NOTCH3: variants seen among roughly 807,000 people sequenced by gnomAD.
The protein encoded by NOTCH3 is neurogenic locus notch homolog protein 3.
A neutral mutation model predicts 213.3 loss-of-function variants in NOTCH3; 86 were observed. The ratio of observed to expected loss-of-function variants is 0.40; its 90% CI spans 0.34 to 0.48. The LOEUF is 0.48. NOTCH3 is among the 20% of genes least tolerant of loss of function. NOTCH3 has a pLI of 0.57. For synonymous variants in NOTCH3, 1,354 were observed against 1,355.9 expected, an observed-to-expected ratio of 1.00 and a Z score of 0.03; for missense variants, 2,783 against 3,272.6, an observed-to-expected ratio of 0.85 and a Z score of 3.65.
At chr19:15,186,636 C>A (rs2046884010) in intron 12 of NOTCH3, among the ~76,000 whole-genome samples, 1 of 152,174 alleles carries the variant, frequency 6.6e-6, no homozygotes, top group African/African-American at 2.4e-5. Flanking sequence ...AACTCCTGAC[C>A]TCAAGTGATC....
chr19:15,188,289 T>C lies in NOTCH3; in HGVS notation c.1438A>G (p.Asn480Asp). The change falls in exon 9 of 33, where the codon AAC (asparagine) becomes GAC (aspartate). Residue 480 changes from asparagine (N) to aspartate (D), a missense_variant. Asn to Asp is a conservative substitution (Grantham distance 23, BLOSUM62 1). Transcript: ENST00000263388. ...ACTCGGTCCTTGCAGACCCCACCGT[T>C]GACACAGGGGCTACTCTGACACTCG... The part of the protein sequence containing the change: ...IDECQSSPCV[N>D]GGVCKDRVNG... 6.2e-7 allele frequency: 1 copy of C among 1,608,094 alleles called. No individual in the cohort carries two copies. The highest frequency in any genetic ancestry group is 8.5e-7 in the Non-Finnish European group (1 of 1,177,218).
At chr19:15,164,921 C>T (rs1469854508) in intron 31 of NOTCH3, among the ~76,000 whole-genome samples, 3 of 151,986 alleles carry the variant, frequency 2.0e-5, no homozygotes, top group Admixed American at 6.6e-5. Flanking sequence ...GCTAGGGCCA[C>T]AGGTATGCAC....
chr19:15,181,484 T>TC (rs2145423631), intron 17 of NOTCH3, 92 bp downstream of exon 17: 2 of 1,045,028 alleles, frequency 1.9e-6, no homozygotes, highest in East Asian at 5.2e-5. Context: ...AGCTGAGGAC[T>TC]CCCCCAAGTC....
In NOTCH3 at chr19:15,174,164, AGGCGGAAG is replaced by A. The variant is rs2046766969; in HGVS notation, c.4632_4639del (p.Phe1545GlyfsTer15). On this transcript the variant is annotated frameshift_variant, in exon 25 of 33. Transcript: ENST00000263388. LOFTEE classifies it high-confidence loss of function. ...GACCATGGCCTGGCCGTGCGCGTCC[AGGCGGAAG>A]CGCAGCGAGGTGCGCAGGATGGCGC... The A allele has an allele frequency of 6.2e-7, 1 of 1,609,566 alleles. No individual in the cohort carries two copies. Among genetic ancestry groups the A allele is most frequent in the Non-Finnish European group, 8.5e-7 (1 of 1,179,368 alleles).
chr19:15,186,911 G>C lies in NOTCH3; in HGVS notation c.1918C>G (p.Arg640Gly). Residue 640 changes from arginine (R) to glycine (G), a missense_variant, in exon 12 of 33, where the codon CGC becomes GGC. Arg to Gly is a moderately radical substitution (Grantham distance 125). This residue lies in a region of NOTCH3 where 708 missense variants were observed against 906.6 expected (regional missense o/e 0.78). Transcript: ENST00000263388. ...TFGVCRDGIN[R>G]YDCVCQPGFT... Reference sequence around the variant, plus strand: ...CCAGGTTGGCAGACACAGTCGTAGCGGTTGATGCCATCACGGCAGACTCCA... The same window carrying C: ...CCAGGTTGGCAGACACAGTCGTAGCCGTTGATGCCATCACGGCAGACTCCA... 1 of 1,614,198 alleles carries C rather than the reference G, an allele frequency of 6.2e-7. No individual in the cohort carries two copies. The highest frequency in any genetic ancestry group is 1.1e-5 in the South Asian group (1 of 91,086).
rs139941570 is a variant in NOTCH3, at chr19:15,160,757, G to T, written c.6871C>A (p.Pro2291Thr). The change falls in exon 33 of 33, where the codon CCA (proline) becomes ACA (threonine). Residue 2291 changes from proline to threonine, a missense_variant. Physicochemically the swap from Pro to Thr is conservative, Grantham distance 38. Coordinates refer to ENST00000263388, the MANE Select transcript of NOTCH3 (RefSeq NM_000435.3). ...ATTTGALPAQ[P>T]LPLSVPSSLA... ...GAGCTGGGAACAGACAAGGGAAGTGGCTGGGCAGGCAGTGCCCCAGTGGTG... is the reference window on the plus strand; with the variant it reads ...GAGCTGGGAACAGACAAGGGAAGTGTCTGGGCAGGCAGTGCCCCAGTGGTG... 4 of 1,614,072 alleles carry T rather than the reference G, an allele frequency of 2.5e-6. No homozygotes were observed. The highest frequency in any genetic ancestry group is 3.4e-6 in the Non-Finnish European group (4 of 1,180,022).
chr19:15,161,307 G>T lies in NOTCH3; in HGVS notation c.6321C>A (p.Ser2107=). 6.5e-7 allele frequency: 1 copy of T among 1,530,864 alleles called. No homozygotes were observed. 94.8% of individuals were successfully genotyped at this position (1,530,864 alleles called of 1,614,324 possible). The change falls in exon 33 of 33, where the codon TCC becomes TCA. Residue 2107 remains serine, a synonymous_variant. Transcript: ENST00000263388. Reference sequence around the variant, plus strand: ...CAGGGGGCCCACCGAAAGGCCGCGGGGAGTCCAGCGAGTCCACGGGCGACA... The same window carrying T: ...CAGGGGGCCCACCGAAAGGCCGCGGTGAGTCCAGCGAGTCCACGGGCGACA... ...VTLSPVDSLD[S]PRPFGGPPAS...
At chr19:15,179,308 A>G (rs1568354979) in intron 21 of NOTCH3, 26 bp from the exon 22 acceptor site, 2 of 1,611,162 alleles carry the variant, frequency 1.2e-6, no homozygotes, top group Non-Finnish European at 8.5e-7. Flanking sequence ...AGGGGTGGTC[A>G]AGAGGGAATG....
rs1321970859 is a variant in NOTCH3, at chr19:15,189,366, C to T, written c.1099G>A (p.Asp367Asn). 3 of 1,614,030 alleles carry T rather than the reference C, an allele frequency of 1.9e-6. No homozygotes were observed. In the Admixed American group the frequency reaches 5.0e-5, roughly 27 times the overall value. The change falls in exon 7 of 33, where the codon GAC becomes AAC. Residue 367 changes from aspartate (D) to asparagine (N), a missense_variant. Physicochemically the swap from Asp to Asn is conservative, Grantham distance 23. Coordinates refer to ENST00000263388, the MANE Select transcript of NOTCH3 (RefSeq NM_000435.3). ...GCCCGGCCGTTCACCGGATTTGTGT[C>T]ACAGATAGCATCCTCGTGGCAGGGG... ...SNPCHEDAICDTNPVNGRAIC... is the reference protein window; with the variant it reads ...SNPCHEDAICNTNPVNGRAIC...
At chr19:15,200,356 C>A (rs1010015771) in intron 1 of NOTCH3, among the ~76,000 whole-genome samples, 4 of 151,614 alleles carry the variant, frequency 2.6e-5, no homozygotes, top group Non-Finnish European at 5.9e-5. Flanking sequence ...CCTGGCCCAG[C>A]CCGCCCGGGG....
chr19:15,160,873 G>T lies in NOTCH3; in HGVS notation c.6755C>A (p.Pro2252His), dbSNP rs201073642. The change falls in exon 33 of 33, where the codon CCT becomes CAT. Residue 2252 changes from proline (P) to histidine (H), a missense_variant. Physicochemically the swap from Pro to His is moderately conservative, Grantham distance 77 (BLOSUM62 -2). Coordinates refer to ENST00000263388, the MANE Select transcript of NOTCH3 (RefSeq NM_000435.3). ...AGGTGAGGGGCTGGCCCAGTGCTCA[G>T]GGGATTCGGGGGATGGGGTCAGGTA... is the stretch of plus-strand genomic sequence containing the variant. ...HPYLTPSPES[P>H]EHWASPSPPS... 1.2e-6 allele frequency: 2 copies of T among 1,613,658 alleles called. No individual in the cohort carries two copies. Among genetic ancestry groups the T allele is most frequent in the East Asian group, 4.5e-5 (2 of 44,858 alleles).
intron 25 of NOTCH3, among the ~76,000 whole-genome samples, chr19:15,173,731 AAAAAAAAAAAG>A (rs1310558300): frequency 1.1e-3 from 9 of 8,384 alleles, no homozygotes; most frequent in African/African-American, 4.7e-3. Context: ...TCTCAAAAAA[AAAAAAAAAAAG>A]AAAAGAAGAA....
chr19:15,187,960 G>C lies in NOTCH3; in HGVS notation c.1527C>G (p.Asp509Glu). ...FSGSTCQLDV[D>E]ECASTPCRNG... ...TCCTGCAGGGCGTGCTGGCGCATTCGTCCACGTCCAGCTGACACGTGGAGC... is the reference window on the plus strand; with the variant it reads ...TCCTGCAGGGCGTGCTGGCGCATTCCTCCACGTCCAGCTGACACGTGGAGC... Residue 509 changes from aspartate to glutamate, a missense_variant, in exon 10 of 33, where the codon GAC becomes GAG. Asp to Glu is a conservative substitution (Grantham distance 45, BLOSUM62 2). Around this residue, in one of 6 missense-constraint regions of NOTCH3, gnomAD observed 708 missense variants for 906.6 expected, o/e 0.78. Transcript: ENST00000263388. The C allele has an allele frequency of 2.6e-6, 4 of 1,550,828 alleles. No individual in the cohort carries two copies. The South Asian group carries it at 4.8e-5, about 18-fold the overall frequency.
At position 15,193,806 on chromosome 19, in the gene NOTCH3, A is replaced by C. The variant is rs962458527; in HGVS notation, c.198-1287T>G. On this transcript the variant is annotated intron_variant, in intron 2 of 32. Transcript: ENST00000263388. Reference sequence around the variant, plus strand: ...AAAAAACAAAAAAAACAAACAGGCCAGGCGCAGTGGCTCATGCCTGTAATC... The same window carrying C: ...AAAAAACAAAAAAAACAAACAGGCCCGGCGCAGTGGCTCATGCCTGTAATC... 6.5e-5 allele frequency among the ~76,000 whole-genome samples: 9 copies of C among 138,908 alleles called. No individual in the cohort carries two copies. In the South Asian group the frequency reaches 2.1e-3, roughly 33 times the overall value. 91.1% of individuals were successfully genotyped at this position (138,908 alleles called of 152,430 possible).
chr19:15,163,257 A>G (rs1407128849), intron 31 of NOTCH3, among the ~76,000 whole-genome samples: 1 of 152,194 alleles, frequency 6.6e-6, no homozygotes, highest in Non-Finnish European at 1.5e-5. Context: ...AGGACCATTC[A>G]ATGGGGAAAG....
rs1181527022 is a variant in NOTCH3, at chr19:15,160,293, TC to T, written c.*368del. 3 of 247,974 alleles carry T rather than the reference TC, an allele frequency of 1.2e-5. No individual in the cohort carries two copies. In the East Asian group the frequency reaches 1.8e-4, roughly 15 times the overall value. 15.4% of individuals were successfully genotyped at this position (247,974 alleles called of 1,614,324 possible). A position where few individuals can be genotyped will look rare whatever the true frequency, so the allele number is the denominator to read the frequency against. On this transcript the variant is annotated 3_prime_UTR_variant, in exon 33 of 33. Coordinates refer to ENST00000263388, the MANE Select transcript of NOTCH3 (RefSeq NM_000435.3). The stretch of plus-strand genomic sequence containing the variant: ...ATAAGTTTGTTTAAATGAATTTGTT[TC>T]TATACAAAATGTAAAAAAAAAAAGA...
At chr19:15,174,030 C>A (rs1185693192) in intron 25 of NOTCH3, 38 bp downstream of exon 25, 12 of 1,500,242 alleles carry the variant, frequency 8.0e-6, no homozygotes, top group Non-Finnish European at 1.1e-5. Context: ...TCTCTCCTCT[C>A]CCCAGCCACC....
In NOTCH3 at chr19:15,160,148, C is replaced by G. The variant is rs1324181174; in HGVS notation, c.*514G>C. The G allele has an allele frequency of 4.2e-6, 1 of 237,796 alleles. No individual in the cohort carries two copies. The highest frequency in any genetic ancestry group is 8.2e-6 in the Non-Finnish European group (1 of 121,428). The allele number at this position is 237,796 out of a possible 1,614,324, so 14.7% of individuals were successfully genotyped here. On this transcript the variant is annotated 3_prime_UTR_variant, in exon 33 of 33. Coordinates refer to ENST00000263388, the MANE Select transcript of NOTCH3 (RefSeq NM_000435.3). ...ACGGGATCCCAGTCATGCCTGTGTA[C>G]TAGGTACACAGAATCCAGCTTGGCC...
chr19:15,162,122 C>T (rs974589767), intron 32 of NOTCH3, among the ~76,000 whole-genome samples: 2 of 151,282 alleles, frequency 1.3e-5, no homozygotes, highest in Admixed American at 6.6e-5. Context: ...GCTGGGACTA[C>T]AGGTGTGCAC....
Sources: gnomAD v4.1 joint callset for allele counts (sites outside exome capture counted in the v4.1 genomes callset) on GRCh38, gnomAD v4.1.1 for gene constraint, gnomAD v4.1.1 regional missense constraint, MANE v1.5 for transcripts, NCBI Gene and HGNC (gene_info 2026-07-23, HGNC 2026-07-21) for gene names.